The following FARP2 variants were observed in gnomAD, a reference collection of about 807,000 sequenced individuals.
The protein encoded by FARP2 is FERM, ARH/RhoGEF and pleckstrin domain protein 2, also known as FERM, ARHGEF and pleckstrin domain-containing protein 2.
A neutral mutation model predicts 130.5 loss-of-function variants in FARP2; 111 were observed. That is an observed-to-expected ratio of 0.85 (90% CI 0.73 to 1.00). The LOEUF is 1.00. Among genes scored for constraint, FARP2 ranks in the 50% least tolerant of loss-of-function variants. The probability of loss-of-function intolerance (pLI) is 0.00; values close to 1 mark genes in which losing one functional copy is unlikely to be tolerated. For missense variants in FARP2, 1,385 were observed against 1,346.3 expected, an observed-to-expected ratio of 1.03 and a Z score of -0.45; for synonymous variants, 504 against 516.9, an observed-to-expected ratio of 0.98 and a Z score of 0.34.
At chr2:241,383,343 A>T (rs1354365569) in intron 2 of FARP2, among the ~76,000 whole-genome samples, 2 of 152,204 alleles carry the variant, frequency 1.3e-5, no homozygotes, top group Non-Finnish European at 1.5e-5. Context: ...TCAGATGGAG[A>T]TCCACATCCC....
At chr2:241,373,014 C>A in intron 1 of FARP2, 70 bp from the exon 2 acceptor site, 2 of 836,184 alleles carry the variant, frequency 2.4e-6, no homozygotes, top group Non-Finnish European at 3.4e-6. Flanking sequence ...GATAATTTGT[C>A]TTTTACCTTG....
Position 241,492,878 on chromosome 2 carries a change from A to G in FARP2, c.2788-51A>G, listed in dbSNP as rs568726766. 66 of 1,076,822 alleles carry G rather than the reference A, an allele frequency of 6.1e-5. 1 individual carries two copies. The South Asian group carries it at 7.8e-4, about 13-fold the overall frequency. 66.7% of individuals were successfully genotyped at this position (1,076,822 alleles called of 1,614,324 possible). A position where few individuals can be genotyped will look rare whatever the true frequency, so the allele number is the denominator to read the frequency against. On this transcript the variant is annotated intron_variant, in intron 24 of 26. Transcript: ENST00000264042. Reference sequence around the variant, plus strand: ...TCTTGGGGAGCAAACCCACTCCCACAAGGGGTCCTGGGTGCTGGTTAATGC... The same window carrying G: ...TCTTGGGGAGCAAACCCACTCCCACGAGGGGTCCTGGGTGCTGGTTAATGC...
intron 8 of FARP2, among the ~76,000 whole-genome samples, chr2:241,431,051 T>C (rs2063077892): frequency 6.6e-6 from 1 of 152,086 alleles, no homozygotes; most frequent in African/African-American, 2.4e-5. Context: ...ATTTTCCATT[T>C]CCTATAAATA....
At chr2:241,446,074 C>T (rs1476024267) in intron 13 of FARP2, 1 of 152,144 alleles carries the variant, frequency 6.6e-6, no homozygotes, top group East Asian at 1.9e-4. Context: ...TTTAAGTTTC[C>T]AAAAGTCCAG....
intron 14 of FARP2, among the ~76,000 whole-genome samples, chr2:241,458,129 G>A (rs2063913251): frequency 6.6e-6 from 1 of 152,156 alleles, no homozygotes; most frequent in South Asian, 2.1e-4. Flanking sequence ...GCCCAGGGGA[G>A]TCTGCCTACA....
chr2:241,463,295 CAA>C, intron 15 of FARP2, 38 bp from the exon 16 acceptor site: 1 of 1,600,398 alleles, frequency 6.2e-7, no homozygotes, highest in South Asian at 1.1e-5. Flanking sequence ...CAGTCCCCAA[CAA>C]GAGCCACACC....
rs1017802191 is a variant in FARP2 at position 241,459,704 on chromosome 2, A to G, written c.1587+2782A>G. Among the ~76,000 whole-genome samples, 3 of 152,120 alleles carry G rather than the reference A, an allele frequency of 2.0e-5. No individual in the cohort carries two copies. Among genetic ancestry groups the G allele is most frequent in the African/African-American group, 7.2e-5 (3 of 41,418 alleles). ...GGCCGCCGTCTCATCCCTGGCCTGCAGCCCAGCTTGCTGGGGGTCAGGTTT... is the reference window on the plus strand; with the variant it reads ...GGCCGCCGTCTCATCCCTGGCCTGCGGCCCAGCTTGCTGGGGGTCAGGTTT... On this transcript the variant is annotated intron_variant, in intron 14 of 26. Coordinates refer to ENST00000264042, the MANE Select transcript of FARP2 (RefSeq NM_014808.4). The surrounding 1 kb of genome is among the most constrained non-coding windows in gnomAD (Gnocchi z 5.3).
chr2:241,381,968 T>G (rs1323278162), intron 2 of FARP2, among the ~76,000 whole-genome samples: 1 of 152,176 alleles, frequency 6.6e-6, no homozygotes, highest in Admixed American at 6.5e-5. Context: ...TTCCTCATGC[T>G]TCTTTTTTTA....
chr2:241,417,826 C>T (rs554377071), intron 7 of FARP2, 136 bp from the exon 8 acceptor site: 7 of 919,546 alleles, frequency 7.6e-6, no homozygotes, highest in Non-Finnish European at 1.0e-5. Context: ...AGTGGGTAAA[C>T]ACAGACAGTG....
chr2:241,416,988 T>G (rs2062690200), intron 7 of FARP2, among the ~76,000 whole-genome samples: 1 of 151,948 alleles, frequency 6.6e-6, no homozygotes, highest in Non-Finnish European at 1.5e-5. Flanking sequence ...TTTCAGATAG[T>G]AAAAAATATT....
At chr2:241,438,793 T>C (rs202043006) in intron 12 of FARP2, among the ~76,000 whole-genome samples, 1 of 38 alleles carries the variant, frequency 0.026, no homozygotes, top group South Asian at 0.17. Flanking sequence ...CCATGCCTGG[T>C]AATTTTTTTT....
chr2:241,433,677 A>T (rs373765391), intron 9 of FARP2, among the ~76,000 whole-genome samples: 7 of 152,160 alleles, frequency 4.6e-5, no homozygotes, highest in Non-Finnish European at 1.0e-4. Flanking sequence ...TATACTGTCT[A>T]TCTTTTCTTA....
intron 2 of FARP2, among the ~76,000 whole-genome samples, chr2:241,402,836 T>TTTTATATATATA (rs1463491106): frequency 2.4e-4 from 4 of 16,836 alleles, no homozygotes; most frequent in Admixed American, 7.2e-4. Context: ...CCCAGCTAAT[T>TTTTATATATATA]TATATATATA....
intron 18 of FARP2, among the ~76,000 whole-genome samples, chr2:241,470,019 T>G (rs1454815133): frequency 6.6e-6 from 1 of 152,140 alleles, no homozygotes; most frequent in Non-Finnish European, 1.5e-5. Flanking sequence ...CGATGAAACA[T>G]TCTCAGCTGA....
At position 241,405,865 on chromosome 2, in the gene FARP2, C is replaced by T. The variant is rs189563115; in HGVS notation, c.331+1024C>T. 1.5e-3 allele frequency among the ~76,000 whole-genome samples: 223 copies of T among 152,048 alleles called. 1 individual carries two copies. The highest frequency in any genetic ancestry group is 0.01 in the Admixed American group (158 of 15,278). ...AGGAGAATCACTTGAGCCTGGAAGGCGGAGGTTGCAGTGAGCCAAGATGAC... is the reference window on the plus strand; with the variant it reads ...AGGAGAATCACTTGAGCCTGGAAGGTGGAGGTTGCAGTGAGCCAAGATGAC... On this transcript the variant is annotated intron_variant, in intron 4 of 26. Coordinates refer to ENST00000264042, the MANE Select transcript of FARP2 (RefSeq NM_014808.4).
Position 241,489,968 on chromosome 2 carries a change from G to T in FARP2, c.2428G>T (p.Glu810Ter), listed in dbSNP as rs767223956. 4 of 1,612,406 alleles carry T rather than the reference G, an allele frequency of 2.5e-6. No individual in the cohort carries two copies. The Admixed American group carries it at 5.0e-5, about 20-fold the overall frequency. ...LLPLQGMLVE[E>*]SDNEWSVPHC... Reference sequence around the variant, plus strand: ...CCGTTTCTCCCACCCACAGGTGGAAGAAAGTGATAACGAGTGGTCTGTTCC... The same window carrying T: ...CCGTTTCTCCCACCCACAGGTGGAATAAAGTGATAACGAGTGGTCTGTTCC... Residue 810 changes from glutamate (E) to a stop codon, truncating the protein, a stop_gained, in exon 22 of 27, where the codon GAA (glutamate) becomes TAA (stop). Transcript: ENST00000264042. LOFTEE classifies it high-confidence loss of function.
At chr2:241,384,348 G>A (rs1483390903) in intron 2 of FARP2, among the ~76,000 whole-genome samples, 1 of 152,134 alleles carries the variant, frequency 6.6e-6, no homozygotes, top group Non-Finnish European at 1.5e-5. Context: ...TGCCACAGTG[G>A]TAGAGGGGAT....
rs2150329769 is a variant in FARP2 at position 241,392,272 on chromosome 2, G to GT, written c.184-11555dup. On this transcript the variant is annotated intron_variant, in intron 2 of 26. Transcript: ENST00000264042. ...ATGGGGAGAGAAGGCCCTTCTTGTT[G>GT]TATCTCCCCAGAGCCCTCTACTGGC... 2.0e-5 allele frequency among the ~76,000 whole-genome samples: 3 copies of GT among 152,332 alleles called. No individual in the cohort carries two copies. The South Asian group carries it at 6.2e-4, about 32-fold the overall frequency.
chr2:241,365,259 A>G (rs754132375), intron 1 of FARP2, among the ~76,000 whole-genome samples: 8 of 152,226 alleles, frequency 5.3e-5, no homozygotes, highest in African/African-American at 9.6e-5. Context: ...CACATGGACA[A>G]TCTTTTTTTC....
Sources: gnomAD v4.1 joint callset for allele counts (sites outside exome capture counted in the v4.1 genomes callset) on GRCh38, gnomAD v4.1.1 for gene constraint, Gnocchi (gnomAD v3.1) non-coding constraint, MANE v1.5 for transcripts, NCBI Gene and HGNC (gene_info 2026-07-23, HGNC 2026-07-21) for gene names.